Variants in GOLM1 observed in about 807,000 individuals in gnomAD.
GOLM1 encodes the protein epididymis luminal protein 46.
In GOLM1, 31 loss-of-function variants were observed where a neutral mutation model predicts 50.5. The observed-to-expected ratio is 0.61, with a 90% CI of 0.46 to 0.83. GOLM1 has a LOEUF of 0.83. Among genes scored for constraint, GOLM1 ranks in the 40% least tolerant of loss-of-function variants. GOLM1 has a pLI of 0.00. For synonymous variants in GOLM1, 178 were observed against 192.8 expected (o/e 0.92, Z 0.64); for missense variants, 491 against 501.3 (o/e 0.98, Z 0.20).
rs528813436 is a variant in GOLM1, at chr9:86,027,285, ACAGT to A, written c.*528_*531del. ...TACTTTGCTAGTGACGTTTGTGTTA[ACAGT>A]CAGTGCTCTAGGCCATTGATTGATT... On this transcript the variant is annotated 3_prime_UTR_variant, in exon 10 of 10. Transcript: ENST00000388712. The A allele has an allele frequency of 3.3e-4, 325 of 985,430 alleles. 3 individuals are homozygous for A. The African/African-American group carries it at 5.1e-3, about 15-fold the overall frequency. 61.0% of individuals were successfully genotyped at this position (985,430 alleles called of 1,614,324 possible).
chr9:86,057,277 GT>G (rs1834021705), intron 3 of GOLM1, among the ~76,000 whole-genome samples: 1 of 152,156 alleles, frequency 6.6e-6, no homozygotes, highest in Non-Finnish European at 1.5e-5. Context: ...TATTTCATAA[GT>G]TTTCAAAGCA....
chr9:86,075,237 G>C (rs1834576914), intron 3 of GOLM1, among the ~76,000 whole-genome samples: 1 of 152,190 alleles, frequency 6.6e-6, no homozygotes, highest in Non-Finnish European at 1.5e-5. Flanking sequence ...ACGCTGCTCA[G>C]TTTATGATAT....
At chr9:86,052,335 T>G (rs916557910) in intron 4 of GOLM1, among the ~76,000 whole-genome samples, 3 of 152,208 alleles carry the variant, frequency 2.0e-5, no homozygotes, top group Admixed American at 6.5e-5. Context: ...CAGCTTGCAA[T>G]GTATTTGGCA....
intron 3 of GOLM1, among the ~76,000 whole-genome samples, chr9:86,071,078 T>TACACACACACACACACACAC (rs58612344): frequency 2.9e-4 from 43 of 148,342 alleles, no homozygotes; most frequent in Admixed American, 8.0e-4. Flanking sequence ...TATATACATG[T>TACACACACACACACACACAC]ACACACACAC....
intron 1 of GOLM1, among the ~76,000 whole-genome samples, chr9:86,096,192 T>C (rs1835351022): frequency 6.6e-6 from 1 of 151,968 alleles, no homozygotes; most frequent in Admixed American, 6.6e-5. Flanking sequence ...TTTTTTTTTT[T>C]TGGTTTGGAA....
intron 1 of GOLM1, among the ~76,000 whole-genome samples, chr9:86,082,025 C>CCT (rs1834797138): frequency 2.4e-5 from 2 of 84,502 alleles, no homozygotes; most frequent in South Asian, 4.5e-4. Flanking sequence ...ACCTGGGACA[C>CCT]TTTTTTTTTT....
At chr9:86,053,931 C>T (rs1012249567) in intron 3 of GOLM1, among the ~76,000 whole-genome samples, 2 of 152,090 alleles carry the variant, frequency 1.3e-5, no homozygotes, top group Non-Finnish European at 2.9e-5. Flanking sequence ...TGCCTCAGAG[C>T]TCAAACTCCA....
At chr9:86,041,977 C>G (rs531215644) in intron 5 of GOLM1, among the ~76,000 whole-genome samples, 20 of 152,268 alleles carry the variant, frequency 1.3e-4, no homozygotes, top group Admixed American at 3.9e-4. Flanking sequence ...ATTGGCTGGG[C>G]ATGGTGGCGG....
intron 6 of GOLM1, among the ~76,000 whole-genome samples, chr9:86,040,081 T>C (rs1265106993): frequency 6.6e-6 from 1 of 151,882 alleles, no homozygotes; most frequent in African/African-American, 2.4e-5. Flanking sequence ...CAGTTGGCTG[T>C]CTAGGGCTGT....
Position 86,052,608 on chromosome 9 carries a change from C to T in GOLM1, c.310-17G>A. 1 of 1,612,458 alleles carries T rather than the reference C, an allele frequency of 6.2e-7. No homozygotes were observed. Among genetic ancestry groups the T allele is most frequent in the South Asian group, 1.1e-5 (1 of 91,044 alleles). Reference sequence around the variant, plus strand: ...CAAAACCGCCTGCAACGAAGATAAACTCGCATGAAACACCCAAACCAACAC... The same window carrying T: ...CAAAACCGCCTGCAACGAAGATAAATTCGCATGAAACACCCAAACCAACAC... On this transcript the variant is annotated splice_polypyrimidine_tract_variant and intron_variant, in intron 3 of 9. Coordinates refer to ENST00000388712, the MANE Select transcript of GOLM1 (RefSeq NM_016548.4).
intron 1 of GOLM1, among the ~76,000 whole-genome samples, chr9:86,093,375 CAAAAAAAA>C (rs34420567): frequency 2.7e-5 from 3 of 109,340 alleles, no homozygotes; most frequent in Non-Finnish European, 5.6e-5. Context: ...GATTCTGCCT[CAAAAAAAA>C]AAAAAAAAAA....
At position 86,075,173 on chromosome 9, in the gene GOLM1, T is replaced by C. The variant is rs79973510; in HGVS notation, c.309+2239A>G. 9.2e-5 allele frequency among the ~76,000 whole-genome samples: 14 copies of C among 152,372 alleles called. No individual in the cohort carries two copies. In the East Asian group the frequency reaches 2.7e-3, roughly 29 times the overall value. ...CTCACCAGATGAATCTGCCCCGTCT[T>C]GATCTCTGACTTCCCAGCCTCCAGA... On this transcript the variant is annotated intron_variant, in intron 3 of 9. Coordinates refer to ENST00000388712, the MANE Select transcript of GOLM1 (RefSeq NM_016548.4).
chr9:86,028,954 T>C (rs1421038644), intron 9 of GOLM1, among the ~76,000 whole-genome samples: 2 of 150,636 alleles, frequency 1.3e-5, no homozygotes, highest in Non-Finnish European at 1.5e-5. Flanking sequence ...GTTCACGCCA[T>C]TCTCCCGCCT....
chr9:86,054,502 G>A (rs1833927029), intron 3 of GOLM1, among the ~76,000 whole-genome samples: 1 of 152,172 alleles, frequency 6.6e-6, no homozygotes, highest in Non-Finnish European at 1.5e-5. Context: ...GGGATTACAG[G>A]CGTGAGCCAC....
intron 6 of GOLM1, among the ~76,000 whole-genome samples, chr9:86,038,787 T>G (rs1833234821): frequency 6.6e-6 from 1 of 152,170 alleles, no homozygotes; most frequent in South Asian, 2.1e-4. Flanking sequence ...ATGCAATAAT[T>G]AAATTAACTG....
intron 1 of GOLM1, among the ~76,000 whole-genome samples, chr9:86,082,025 CTTT>C (rs35208119): frequency 1.8e-4 from 15 of 84,498 alleles, no homozygotes; most frequent in African/African-American, 4.8e-4. Flanking sequence ...ACCTGGGACA[CTTT>C]TTTTTTTTTT....
chr9:86,040,241 C>T (rs1833293970), intron 6 of GOLM1, among the ~76,000 whole-genome samples: 1 of 152,132 alleles, frequency 6.6e-6, no homozygotes, highest in Non-Finnish European at 1.5e-5. Context: ...ATAGGGAATG[C>T]AAATTATATC....
chr9:86,081,408 C>G (rs1318767515), intron 1 of GOLM1, among the ~76,000 whole-genome samples: 2 of 151,906 alleles, frequency 1.3e-5, no homozygotes, highest in African/African-American at 4.8e-5. Flanking sequence ...GTTGGTCAGG[C>G]TGGTCTGGAA....
chr9:86,040,602 T>A (rs1471295234), intron 6 of GOLM1, 137 bp downstream of exon 6: 4 of 742,610 alleles, frequency 5.4e-6, no homozygotes, highest in Non-Finnish European at 8.9e-6. Flanking sequence ...TACCAGGTTC[T>A]GCTCTGTTAT....
Sources: gnomAD v4.1 joint callset for allele counts (sites outside exome capture counted in the v4.1 genomes callset) on GRCh38, gnomAD v4.1.1 for gene constraint, MANE v1.5 for transcripts, NCBI Gene and HGNC (gene_info 2026-07-23, HGNC 2026-07-21) for gene names.